NBPF14: variants seen among roughly 807,000 people sequenced by gnomAD.
The protein encoded by NBPF14 is NBPF family member NBPF14.
In NBPF14, 104 loss-of-function variants were observed where a neutral mutation model predicts 91.2. The observed-to-expected ratio is 1.14, with a 90% CI of 0.97 to 1.34. The LOEUF (loss-of-function observed/expected upper bound fraction) is 1.34, where lower values mean the gene tolerates loss of function less well. Among genes scored for constraint, NBPF14 ranks in the 40% most tolerant of loss-of-function variants. The pLI is 0.00. For missense variants in NBPF14, 908 were observed against 783.0 expected (o/e 1.16, Z -1.91); for synonymous variants, 294 against 303.8 (o/e 0.97, Z 0.34).
At chr1:148,532,307 C>T (rs1224369591) in exon 71 of NBPF14, 5 of 155,420 alleles carry the variant, frequency 3.2e-5, no homozygotes, top group African/African-American at 1.2e-4. Context: ...CGGCAGAGTC[C>T]TGGGTGACAT....
chr1:148,566,670 G>T (rs1658486436), intron 28 of NBPF14, among the ~76,000 whole-genome samples: 1 of 132,408 alleles, frequency 7.6e-6, no homozygotes, highest in Non-Finnish European at 1.7e-5. Context: ...AAAAGACTGT[G>T]CTCAATAATT....
chr1:148,539,175 G>T (rs1172410078), intron 63 of NBPF14, among the ~76,000 whole-genome samples: 1 of 60,036 alleles, frequency 1.7e-5, no homozygotes, highest in Non-Finnish European at 3.0e-5. Context: ...TGCTGAGAGC[G>T]GGCTCAGGTT....
chr1:148,534,434 C>G (rs1405932538), intron 69 of NBPF14, among the ~76,000 whole-genome samples: 1 of 151,678 alleles, frequency 6.6e-6, no homozygotes, highest in Non-Finnish European at 1.5e-5. Context: ...TGCCCAGGTC[C>G]AATGTCATGA....
chr1:148,578,786 CAT>C (rs1385963612), intron 13 of NBPF14, among the ~76,000 whole-genome samples: 1 of 148,640 alleles, frequency 6.7e-6, no homozygotes, highest in Non-Finnish European at 1.5e-5. Context: ...GCATGTGCTA[CAT>C]AGTTTGGTGT....
chr1:148,560,090 T>A, intron 36 of NBPF14, 125 bp from the exon 37 acceptor site: 1 of 672,546 alleles, frequency 1.5e-6, no homozygotes, highest in African/African-American at 2.0e-5. Flanking sequence ...ATTAATGAGG[T>A]AACAAATTAT....
In NBPF14 at chr1:148,535,352, C is replaced by A. The variant is rs1234198297; in HGVS notation, c.8441+101G>T. Reference sequence around the variant, plus strand: ...GCAATGTCAGTAGGAGTAATTCAACCTTCGCTGAAAACATGAAATTGAACA... The same window carrying A: ...GCAATGTCAGTAGGAGTAATTCAACATTCGCTGAAAACATGAAATTGAACA... On this transcript the variant is annotated intron_variant, in intron 68 of 70. Transcript: ENST00000619423. The A allele has an allele frequency of 3.5e-5, 20 of 576,910 alleles. No homozygotes were observed. The East Asian group carries it at 4.0e-4, about 11-fold the overall frequency. 35.7% of individuals were successfully genotyped at this position (576,910 alleles called of 1,614,324 possible). A position where few individuals can be genotyped will look rare whatever the true frequency, so the allele number is the denominator to read the frequency against.
At position 148,587,154 on chromosome 1, in the gene NBPF14, T is replaced by C. The variant is rs1661677192; in HGVS notation, c.1091+147A>G. ...ATACATTTTTACTATCCTTCTTCTC[T>C]GATAAATATTTGTGTGTAGCGAGCC... On this transcript the variant is annotated intron_variant, in intron 8 of 70. Coordinates refer to ENST00000619423, the Ensembl canonical transcript of NBPF14. 3 of 672,686 alleles carry C rather than the reference T, an allele frequency of 4.5e-6. 1 individual carries two copies. Among genetic ancestry groups the C allele is most frequent in the Non-Finnish European group, 8.0e-6 (3 of 376,618 alleles). 41.7% of individuals were successfully genotyped at this position (672,686 alleles called of 1,614,324 possible).
At chr1:148,581,513 G>T (rs1307007620) in intron 12 of NBPF14, among the ~76,000 whole-genome samples, 1 of 151,672 alleles carries the variant, frequency 6.6e-6, no homozygotes, top group South Asian at 2.1e-4. Context: ...ATCCTCTCCA[G>T]CACCTTCAAC....
chr1:148,579,148 G>A (rs1660535053), exon 13 of NBPF14: 3 of 478,450 alleles, frequency 6.3e-6, no homozygotes, highest in South Asian at 2.1e-5. Context: ...CTGGTACGAG[G>A]CCAACATTTC....
intron 36 of NBPF14, 28 bp from the exon 37 acceptor site, chr1:148,559,993 A>G: frequency 3.9e-6 from 4 of 1,018,748 alleles, no homozygotes; most frequent in Non-Finnish European, 6.0e-6. Flanking sequence ...AGTAAAGAAT[A>G]AGCCAGGGGG....
Position 148,559,911 on chromosome 1 carries a change from C to A in NBPF14, c.4611G>T (p.Leu1537=), listed in dbSNP as rs1330133236. ...CTGAAGGAGTTGAATAACATCTATC[C>A]AGTGAGTCCTGCAAGACTTCAGGCC... is the stretch of plus-strand genomic sequence containing the variant. Residue 1537 remains leucine, a synonymous_variant, in exon 37 of 71, where the codon CTG becomes CTT. Transcript: ENST00000619423. The A allele has an allele frequency of 2.5e-5, 32 of 1,302,188 alleles. 3 individuals carry two copies. Among genetic ancestry groups the A allele is most frequent in the Admixed American group, 1.6e-4 (9 of 56,068 alleles). The allele number at this position is 1,302,188 out of a possible 1,614,324, so 80.7% of individuals were successfully genotyped here. A position where few individuals can be genotyped will look rare whatever the true frequency, so the allele number is the denominator to read the frequency against.
chr1:148,556,743 C>T, exon 41 of NBPF14: 1 of 149,880 alleles, frequency 6.7e-6, no homozygotes, highest in South Asian at 4.6e-5. Flanking sequence ...ATAAAAGGAA[C>T]TTCCATAGGG....
chr1:148,580,957 T>C (rs1227918596), intron 12 of NBPF14, among the ~76,000 whole-genome samples: 3 of 99,204 alleles, frequency 3.0e-5, no homozygotes, highest in African/African-American at 1.3e-4. Context: ...GCTTCACCCA[T>C]TAACTCATCA....
chr1:148,560,260 G>A (rs1362446198), intron 36 of NBPF14, among the ~76,000 whole-genome samples: 1 of 135,322 alleles, frequency 7.4e-6, no homozygotes, highest in Non-Finnish European at 1.6e-5. Context: ...GACACTCTGA[G>A]TTAGTGCCCT....
chr1:148,541,750 G>T, exon 60 of NBPF14: 1 of 46,252 alleles, frequency 2.2e-5, no homozygotes. Flanking sequence ...GGTGGGTTTT[G>T]ATCTTCTTCC....
intron 8 of NBPF14, among the ~76,000 whole-genome samples, chr1:148,586,710 A>G (rs1341344935): frequency 1.4e-5 from 2 of 145,916 alleles, no homozygotes; most frequent in African/African-American, 2.5e-5. Context: ...TCTCTTCTGT[A>G]AACAAAAGTA....
rs1657787934 is a variant in NBPF14, at chr1:148,561,781, AC to A, written c.4275-203del. On this transcript the variant is annotated intron_variant, in intron 34 of 70. Transcript: ENST00000619423. The stretch of plus-strand genomic sequence containing the variant: ...ATGAAAGAGAAAGACAGATAGACAC[AC>A]ACACACACACACACACACAAACACA... Among the ~76,000 whole-genome samples, 29 of 120,416 alleles carry A rather than the reference AC, an allele frequency of 2.4e-4. 1 individual carries two copies. In the South Asian group the frequency reaches 6.7e-3, roughly 28 times the overall value. 79.0% of individuals were successfully genotyped at this position (120,416 alleles called of 152,430 possible). A position where few individuals can be genotyped will look rare whatever the true frequency, so the allele number is the denominator to read the frequency against.
chr1:148,542,113 C>T (rs1276389511), intron 59 of NBPF14, among the ~76,000 whole-genome samples: 11 of 103,100 alleles, frequency 1.1e-4, no homozygotes, highest in Admixed American at 7.7e-4. Context: ...CATATTTTTC[C>T]AATCAACTTA....
chr1:148,534,359 T>TA (rs1165121520), intron 69 of NBPF14, among the ~76,000 whole-genome samples: 1 of 151,742 alleles, frequency 6.6e-6, no homozygotes, highest in East Asian at 1.9e-4. Context: ...ACACTGAAAT[T>TA]AGAGTGAAAA....
Sources: gnomAD v4.1 joint callset for allele counts (sites outside exome capture counted in the v4.1 genomes callset) on GRCh38, gnomAD v4.1.1 for gene constraint, MANE v1.5 for transcripts, NCBI Gene and HGNC (gene_info 2026-07-23, HGNC 2026-07-21) for gene names.